DDIT3: variants seen among roughly 807,000 people sequenced by gnomAD.
The protein encoded by DDIT3 is DNA damage-inducible transcript 3 protein.
Under a neutral mutation model 17.6 loss-of-function variants are expected in DDIT3, and 14 were observed. The observed-to-expected ratio is 0.80, with a 90% CI of 0.53 to 1.25. DDIT3 has a LOEUF of 1.25. Ranked by LOEUF, DDIT3 falls within the 50% of genes most tolerant of loss-of-function variation. The probability of loss-of-function intolerance (pLI) is 0.00; values close to 1 mark genes in which losing one functional copy is unlikely to be tolerated. For missense variants in DDIT3, 216 were observed against 202.7 expected (o/e 1.07, Z -0.40); for synonymous variants, 93 against 76.5 (o/e 1.22, Z -1.13).
At position 57,517,149 on chromosome 12, in the gene DDIT3, G is replaced by C. The variant is rs369031978; in HGVS notation, c.170C>G (p.Pro57Arg). The change falls in exon 4 of 4, where the codon CCT (proline) becomes CGT (arginine). Residue 57 changes from proline (P) to arginine (R), a missense_variant. By Grantham distance (103) the Pro-to-Arg change is moderately radical (BLOSUM62 -2). Coordinates refer to ENST00000346473, the MANE Select transcript of DDIT3 (RefSeq NM_004083.6). ...EESKIFTTLD[P>R]ASLAWLTEEE... ...CTCAGTCAGCCAAGCCAGAGAAGCA[G>C]GGTCAAGAGTGGTGAAGATTTTTGA... The C allele has an allele frequency of 1.9e-6, 3 of 1,609,598 alleles. No homozygotes were observed. Among genetic ancestry groups the C allele is most frequent in the African/African-American group, 1.3e-5 (1 of 74,668 alleles).
intron 1 of DDIT3, 78 bp from the exon 2 acceptor site, chr12:57,517,831 T>TC: frequency 2.3e-6 from 1 of 428,120 alleles, no homozygotes; most frequent in Non-Finnish European, 4.1e-6. Context: ...TTTTTTTCTT[T>TC]CTTTTTTTTT....
Position 57,517,319 on chromosome 12 carries a change from A to G in DDIT3, c.88T>C (p.Ser30Pro), listed in dbSNP as rs747500919. Residue 30 changes from serine to proline, a missense_variant, in exon 3 of 4, where the codon TCT becomes CCT. Coordinates refer to ENST00000346473, the MANE Select transcript of DDIT3 (RefSeq NM_004083.6). ...AWYEDLQEVL[S>P]SDENGGTYVS... is the part of the protein sequence containing the mutation. ...TAGGTACCCCCATTTTCATCTGAAG[A>G]CAGGACCTCTTGCAGGTCCTCATAC... is the stretch of plus-strand genomic sequence containing the variant. 6.2e-7 allele frequency: 1 copy of G among 1,614,152 alleles called. No homozygotes were observed.
chr12:57,519,849 C>T (rs892188750), intron 1 of DDIT3, among the ~76,000 whole-genome samples: 2 of 152,238 alleles, frequency 1.3e-5, no homozygotes, highest in Non-Finnish European at 2.9e-5. Context: ...GAGACCTCTA[C>T]GGCAAAAGGA....
intron 1 of DDIT3, among the ~76,000 whole-genome samples, chr12:57,518,837 T>G (rs1878073119): frequency 6.6e-6 from 1 of 152,160 alleles, no homozygotes; most frequent in Non-Finnish European, 1.5e-5. Flanking sequence ...TTTTGTATTT[T>G]TAGTAAAGAT....
At chr12:57,518,820 G>C (rs1878071249) in intron 1 of DDIT3, among the ~76,000 whole-genome samples, 1 of 152,090 alleles carries the variant, frequency 6.6e-6, no homozygotes, top group Admixed American at 6.6e-5. Flanking sequence ...TGCCATGCCC[G>C]GCTAATTTTT....
chr12:57,517,083 C>A lies in DDIT3; in HGVS notation c.236G>T (p.Ser79Ile). 2 of 1,614,126 alleles carry A rather than the reference C, an allele frequency of 1.2e-6. No individual in the cohort carries two copies. Among genetic ancestry groups the A allele is most frequent in the Non-Finnish European group, 1.7e-6 (2 of 1,180,018 alleles). The change falls in exon 4 of 4, where the codon AGC (serine) becomes ATC (isoleucine). Residue 79 changes from serine to isoleucine, a missense_variant. Ser to Ile is a moderately radical substitution (Grantham distance 142). Coordinates refer to ENST00000346473, the MANE Select transcript of DDIT3 (RefSeq NM_004083.6). ...CTGACTGGAATCTGGAGAGTGAGGG[C>A]TCTGGGAGGTGCTTGTGACCTCTGC... ...EPAEVTSTSQ[S>I]PHSPDSSQSS...
At position 57,520,334 on chromosome 12, in the gene DDIT3, G is replaced by C. The variant is rs139060643; in HGVS notation, c.-81+84C>G. Reference sequence around the variant, plus strand: ...TCGGACGGTCCCTAACTTCACTGTGGAGGAGTGAGGCCGATCCTAAAGAGC... The same window carrying C: ...TCGGACGGTCCCTAACTTCACTGTGCAGGAGTGAGGCCGATCCTAAAGAGC... On this transcript the variant is annotated intron_variant, in intron 1 of 3. Transcript: ENST00000346473. 9 of 398,346 alleles carry C rather than the reference G, an allele frequency of 2.3e-5. No homozygotes were observed. In the East Asian group the frequency reaches 3.2e-4, roughly 14 times the overall value. The allele number at this position is 398,346 out of a possible 1,614,324, so 24.7% of individuals were successfully genotyped here. A position where few individuals can be genotyped will look rare whatever the true frequency, so the allele number is the denominator to read the frequency against.
rs1877923644 is a variant in DDIT3 at position 57,517,158 on chromosome 12, G to A, written c.161C>T (p.Thr54Ile). 1.9e-6 allele frequency: 3 copies of A among 1,608,572 alleles called. No homozygotes were observed. In the Admixed American group the frequency reaches 5.0e-5, roughly 27 times the overall value. The change falls in exon 4 of 4, where the codon ACT becomes ATT. Residue 54 changes from threonine (T) to isoleucine (I), a missense_variant. By Grantham distance (89) the Thr-to-Ile change is moderately conservative (BLOSUM62 -1). Transcript: ENST00000346473. ...CCAAGCCAGAGAAGCAGGGTCAAGA[G>A]TGGTGAAGATTTTTGATTCTTCCTT... ...NEEEESKIFT[T>I]LDPASLAWLT...
At position 57,516,995 on chromosome 12, in the gene DDIT3, A is replaced by G; in HGVS notation, c.324T>C (p.Ser108=). 6.2e-7 allele frequency: 1 copy of G among 1,613,128 alleles called. No homozygotes were observed. The highest frequency in any genetic ancestry group is 8.5e-7 in the Non-Finnish European group (1 of 1,179,790). The stretch of plus-strand genomic sequence containing the variant: ...TTCCAGCCCGGGCTGGGGAATGACC[A>G]CTCTGTTTCCGTTTCCTGGTTCTCC... The part of the protein sequence containing the change: ...DQGRTRKRKQ[S]GHSPARAGKQ... Residue 108 remains serine (S), a synonymous_variant, in exon 4 of 4, where the codon AGT becomes AGC. Coordinates refer to ENST00000346473, the MANE Select transcript of DDIT3 (RefSeq NM_004083.6).
Position 57,519,933 on chromosome 12 carries a change from A to G in DDIT3, c.-81+485T>C, listed in dbSNP as rs1878172317. On this transcript the variant is annotated intron_variant, in intron 1 of 3. Coordinates refer to ENST00000346473, the MANE Select transcript of DDIT3 (RefSeq NM_004083.6). ...TCCTCAAGGTTCCCCTATCCGCTGC[A>G]GGGTCCAGTAGCCCCAGCTACCAAG... Among the ~76,000 whole-genome samples the G allele has an allele frequency of 2.0e-5, 3 of 152,246 alleles. 1 individual carries two copies. The South Asian group carries it at 6.2e-4, about 31-fold the overall frequency.
chr12:57,519,786 A>G (rs960733549), intron 1 of DDIT3, among the ~76,000 whole-genome samples: 1 of 152,172 alleles, frequency 6.6e-6, no homozygotes, highest in African/African-American at 2.4e-5. Flanking sequence ...GGAGACCCCA[A>G]ATGGCCTCCT....
At chr12:57,519,417 C>G (rs1446681499) in intron 1 of DDIT3, among the ~76,000 whole-genome samples, 1 of 152,118 alleles carries the variant, frequency 6.6e-6, no homozygotes, top group Non-Finnish European at 1.5e-5. Context: ...GTACCCTGAG[C>G]CCCAAACTGT....
chr12:57,520,014 G>C (rs1357020055), intron 1 of DDIT3, among the ~76,000 whole-genome samples: 1 of 152,258 alleles, frequency 6.6e-6, no homozygotes, highest in Non-Finnish European at 1.5e-5. Flanking sequence ...GGGTGGGGTA[G>C]GGAGAAGGCC....
At position 57,517,103 on chromosome 12, in the gene DDIT3, C is replaced by G. The variant is rs754870965; in HGVS notation, c.216G>C (p.Glu72Asp). Residue 72 changes from glutamate (E) to aspartate (D), a missense_variant, in exon 4 of 4, where the codon GAG (glutamate) becomes GAC (aspartate). Transcript: ENST00000346473. Reference sequence around the variant, plus strand: ...GAGGGCTCTGGGAGGTGCTTGTGACCTCTGCTGGTTCTGGCTCCTCCTCAG... The same window carrying G: ...GAGGGCTCTGGGAGGTGCTTGTGACGTCTGCTGGTTCTGGCTCCTCCTCAG... ...WLTEEEPEPAEVTSTSQSPHS... is the reference protein window; with the variant it reads ...WLTEEEPEPADVTSTSQSPHS... 1.9e-6 allele frequency: 3 copies of G among 1,614,110 alleles called. No homozygotes were observed. The South Asian group carries it at 3.3e-5, about 18-fold the overall frequency.
chr12:57,519,220 T>C (rs753165990), intron 1 of DDIT3: 9 of 532,940 alleles, frequency 1.7e-5, no homozygotes, highest in South Asian at 1.1e-4. Context: ...TTTCATGTCA[T>C]GGAAGTCACT....
At chr12:57,518,601 G>C (rs888222732) in intron 1 of DDIT3, among the ~76,000 whole-genome samples, 13 of 152,228 alleles carry the variant, frequency 8.5e-5, no homozygotes, top group Non-Finnish European at 1.3e-4. Flanking sequence ...TAAAAACCTT[G>C]GTATCATCCT....
In DDIT3 at chr12:57,517,120, C is replaced by T. The variant is rs1877918598; in HGVS notation, c.199G>A (p.Glu67Lys). The T allele has an allele frequency of 6.2e-7, 1 of 1,613,196 alleles. No homozygotes were observed. Among genetic ancestry groups the T allele is most frequent in the Non-Finnish European group, 8.5e-7 (1 of 1,179,380 alleles). The change falls in exon 4 of 4, where the codon GAG becomes AAG. Residue 67 changes from glutamate to lysine, a missense_variant. Transcript: ENST00000346473. ...CTTGTGACCTCTGCTGGTTCTGGCTCCTCCTCAGTCAGCCAAGCCAGAGAA... is the reference window on the plus strand; with the variant it reads ...CTTGTGACCTCTGCTGGTTCTGGCTTCTCCTCAGTCAGCCAAGCCAGAGAA... Reference protein sequence around the residue: ...PASLAWLTEEEPEPAEVTSTS... With the variant: ...PASLAWLTEEKPEPAEVTSTS...
rs1877892577 is a variant in DDIT3 at position 57,516,934 on chromosome 12, T to C, written c.385A>G (p.Arg129Gly). The C allele has an allele frequency of 1.9e-6, 3 of 1,614,186 alleles. No individual in the cohort carries two copies. The highest frequency in any genetic ancestry group is 2.5e-6 in the Non-Finnish European group (3 of 1,180,036). The change falls in exon 4 of 4, where the codon AGG becomes GGG. Residue 129 changes from arginine (R) to glycine (G), a missense_variant. By Grantham distance (125) the Arg-to-Gly change is moderately radical. Transcript: ENST00000346473. ...TCTTCAGCTAGCTGTGCCACTTTCC[T>C]TTCATTCTCCTGTTCTTTCTCCTTC... is the stretch of plus-strand genomic sequence containing the variant. ...RMKEKEQENE[R>G]KVAQLAEENE...
chr12:57,518,692 C>CTCT (rs1878059725), intron 1 of DDIT3, among the ~76,000 whole-genome samples: 1 of 152,182 alleles, frequency 6.6e-6, no homozygotes, highest in Non-Finnish European at 1.5e-5. Context: ...ACGGGTCTCA[C>CTCT]TCTTTTTGCC....
Sources: allele counts gnomAD v4.1 joint callset (sites outside exome capture counted in the v4.1 genomes callset), GRCh38; gene constraint gnomAD v4.1.1; transcripts MANE v1.5; gene names NCBI Gene and HGNC (gene_info 2026-07-23, HGNC 2026-07-21).